Variants in ATF7 observed in about 807,000 individuals in gnomAD.
The protein encoded by ATF7 is activating transcription factor 7.
Under a neutral mutation model 50.4 loss-of-function variants are expected in ATF7, and 10 were observed. The ratio of observed to expected loss-of-function variants is 0.20; its 90% confidence interval spans 0.12 to 0.34. ATF7 has a LOEUF of 0.34. Ranked by LOEUF, ATF7 falls within the 10% of genes least tolerant of loss-of-function variation. The pLI is 1.00. For synonymous variants in ATF7, 201 were observed against 226.4 expected (o/e 0.89, Z 1.01); for missense variants, 465 against 613.9 (o/e 0.76, Z 2.56).
At chr12:53,529,702 T>C (rs1340124434) in intron 9 of ATF7, among the ~76,000 whole-genome samples, 23 of 82,280 alleles carry the variant, frequency 2.8e-4, no homozygotes, top group African/African-American at 9.5e-4. Flanking sequence ...TACATATATA[T>C]ATACACATAC....
At chr12:53,541,647 A>G (rs957847316) in intron 4 of ATF7, among the ~76,000 whole-genome samples, 1 of 152,132 alleles carries the variant, frequency 6.6e-6, no homozygotes, top group Non-Finnish European at 1.5e-5. Flanking sequence ...TCCCCTCTAC[A>G]ATATCTCTAC....
chr12:53,582,035 G>A (rs984962169), intron 2 of ATF7, among the ~76,000 whole-genome samples: 1 of 151,836 alleles, frequency 6.6e-6, no homozygotes, highest in East Asian at 1.9e-4. Context: ...CTGAGGAGTC[G>A]GAGGCTATAG....
intron 2 of ATF7, among the ~76,000 whole-genome samples, chr12:53,597,196 T>C (rs1268072554): frequency 5.3e-5 from 8 of 152,102 alleles, no homozygotes; most frequent in Non-Finnish European, 8.8e-5. Flanking sequence ...GTTTTTTTTT[T>C]AAGCACATGC....
At position 53,534,094 on chromosome 12, in the gene ATF7, G is replaced by T. The variant is rs952610131; in HGVS notation, c.560+408C>A. Among the ~76,000 whole-genome samples the T allele has an allele frequency of 2.0e-5, 3 of 152,152 alleles. No individual in the cohort carries two copies. In the South Asian group the frequency reaches 6.2e-4, roughly 31 times the overall value. ...AGATCGAGATCGTCCTGGCTAACAC[G>T]GTGAAACCCCGTCTCTACTAAAAAT... On this transcript the variant is annotated intron_variant, in intron 6 of 11. Coordinates refer to ENST00000420353, the MANE Select transcript of ATF7 (RefSeq NM_006856.3).
At chr12:53,576,932 T>G (rs1476839422) in intron 2 of ATF7, among the ~76,000 whole-genome samples, 1 of 152,132 alleles carries the variant, frequency 6.6e-6, no homozygotes, top group Non-Finnish European at 1.5e-5. Context: ...TGCGCAAGAC[T>G]GTAGTCCCAA....
chr12:53,616,562 T>C (rs544655222), intron 1 of ATF7, among the ~76,000 whole-genome samples: 6 of 152,164 alleles, frequency 3.9e-5, no homozygotes, highest in South Asian at 2.1e-4. Context: ...TAAGAAGAGA[T>C]ACAATATTGA....
intron 2 of ATF7, among the ~76,000 whole-genome samples, chr12:53,571,331 G>A (rs1592898409): frequency 6.6e-6 from 1 of 152,064 alleles, no homozygotes. Flanking sequence ...AAGCCACCTA[G>A]TTTGTGGTAA....
At position 53,581,261 on chromosome 12, in the gene ATF7, A is replaced by AAC. The variant is rs1334461597; in HGVS notation, c.48+19690_48+19691dup. ...TCTTATATTAACAGTTGGAGACTTT[A>AAC]ACACCCCTCTATCAGAAATGGACGT... On this transcript the variant is annotated intron_variant, in intron 2 of 11. Coordinates refer to ENST00000420353, the MANE Select transcript of ATF7 (RefSeq NM_006856.3). Among the ~76,000 whole-genome samples, 34 of 152,374 alleles carry AAC rather than the reference A, an allele frequency of 2.2e-4. 1 individual carries two copies. The highest frequency in any genetic ancestry group is 2.0e-3 in the Admixed American group (31 of 15,300).
At chr12:53,549,641 G>A (rs1208262699) in intron 3 of ATF7, among the ~76,000 whole-genome samples, 2 of 152,094 alleles carry the variant, frequency 1.3e-5, no homozygotes, top group Non-Finnish European at 2.9e-5. Context: ...GTGCAGTGGT[G>A]TGATCTCAGC....
intron 3 of ATF7, among the ~76,000 whole-genome samples, 178 bp from the exon 4 acceptor site, chr12:53,543,626 GGT>G (rs2137441516): frequency 6.6e-6 from 1 of 152,234 alleles, no homozygotes; most frequent in East Asian, 1.9e-4. Flanking sequence ...GCCACCAGAG[GGT>G]GTCTGTGTTG....
At chr12:53,509,522 A>G (rs1313712510), downstream of ATF7, among the ~76,000 whole-genome samples, 1 of 113,628 alleles carries the variant, frequency 8.8e-6, no homozygotes, top group Admixed American at 9.2e-5. Flanking sequence ...TTTTTTTTTT[A>G]CGATGGAGTC....
chr12:53,509,004 G>A (rs552981111), downstream of ATF7, among the ~76,000 whole-genome samples: 14 of 152,306 alleles, frequency 9.2e-5, no homozygotes, highest in South Asian at 2.9e-3. Context: ...TCCTCAGGGA[G>A]AGGCCTTCAA....
At chr12:53,554,873 A>AAG (rs1206536787) in intron 2 of ATF7, among the ~76,000 whole-genome samples, 1 of 149,122 alleles carries the variant, frequency 6.7e-6, no homozygotes, top group African/African-American at 2.5e-5. Context: ...AAAAAAAGAA[A>AAG]AAAAAAAAAA....
rs1937631523 is a variant in ATF7 at position 53,515,054 on chromosome 12, G to C, written c.*2083C>G. The stretch of plus-strand genomic sequence containing the variant: ...GTGAAGTCCCTGGATGTGGTAACCT[G>C]CGTCCTGACCATCTGCCATAACATT... On this transcript the variant is annotated 3_prime_UTR_variant, in exon 12 of 12. Coordinates refer to ENST00000420353, the MANE Select transcript of ATF7 (RefSeq NM_006856.3). 2 of 152,200 alleles carry C rather than the reference G, an allele frequency of 1.3e-5. No homozygotes were observed. The highest frequency in any genetic ancestry group is 4.1e-4 in the South Asian group (2 of 4,832). 9.4% of individuals were successfully genotyped at this position (152,200 alleles called of 1,614,324 possible). A position where few individuals can be genotyped will look rare whatever the true frequency, so the allele number is the denominator to read the frequency against.
intron 3 of ATF7, 146 bp from the exon 4 acceptor site, chr12:53,543,594 T>G: frequency 4.2e-5 from 34 of 802,988 alleles, no homozygotes; most frequent in Middle Eastern, 3.7e-4. Context: ...AATGGAGCTC[T>G]AGTAGGCGAA....
chr12:53,595,772 C>G (rs1359746825), intron 2 of ATF7, among the ~76,000 whole-genome samples: 1 of 152,154 alleles, frequency 6.6e-6, no homozygotes, highest in Non-Finnish European at 1.5e-5. Flanking sequence ...ACAACTAGGG[C>G]TCCATCACTA....
At chr12:53,512,018 G>A (rs1221989023), downstream of ATF7, 1 of 152,284 alleles carries the variant, frequency 6.6e-6, no homozygotes, top group Non-Finnish European at 1.5e-5. Context: ...GGGACAATGG[G>A]GGCTGTGGAT....
chr12:53,534,406 C>A lies in ATF7; in HGVS notation c.560+96G>T, dbSNP rs947541608. The A allele has an allele frequency of 2.3e-5, 35 of 1,542,156 alleles. No homozygotes were observed. The African/African-American group carries it at 4.6e-4, about 20-fold the overall frequency. On this transcript the variant is annotated intron_variant, in intron 6 of 11. Coordinates refer to ENST00000420353, the MANE Select transcript of ATF7 (RefSeq NM_006856.3). Reference sequence around the variant, plus strand: ...GAGATAATCTCAGTGACTTATTTTCCTTGGGTATTGGAAAACAGTCCCAGT... The same window carrying A: ...GAGATAATCTCAGTGACTTATTTTCATTGGGTATTGGAAAACAGTCCCAGT...
chr12:53,570,814 T>C lies in ATF7; in HGVS notation c.49-18177A>G, dbSNP rs529326532. On this transcript the variant is annotated intron_variant, in intron 2 of 11. Transcript: ENST00000420353. ...CTCTTTTTATAGGACACCAGTCATATTGGAGTAGGGGCCCACCTTACTTCA... is the reference window on the plus strand; with the variant it reads ...CTCTTTTTATAGGACACCAGTCATACTGGAGTAGGGGCCCACCTTACTTCA... Among the ~76,000 whole-genome samples, 16 of 151,918 alleles carry C rather than the reference T, an allele frequency of 1.1e-4. No individual in the cohort carries two copies. In the East Asian group the frequency reaches 1.9e-3, roughly 18 times the overall value.
Sources: allele counts gnomAD v4.1 joint callset (sites outside exome capture counted in the v4.1 genomes callset), GRCh38; gene constraint gnomAD v4.1.1; transcripts MANE v1.5; gene names NCBI Gene and HGNC (gene_info 2026-07-23, HGNC 2026-07-21).